TRERF1: variants seen among roughly 807,000 people sequenced by gnomAD.
The protein encoded by TRERF1 is transcriptional-regulating factor 1.
Under a neutral mutation model 122.9 loss-of-function variants are expected in TRERF1, and 27 were observed. The observed-to-expected ratio is 0.22, with a 90% CI of 0.16 to 0.30. TRERF1 has a LOEUF of 0.30. Ranked by LOEUF, TRERF1 falls within the 10% of genes least tolerant of loss-of-function variation. The probability of loss-of-function intolerance (pLI) is 1.00; values close to 1 mark genes in which losing one functional copy is unlikely to be tolerated. For synonymous variants in TRERF1, 636 were observed against 641.7 expected, an observed-to-expected ratio of 0.99 and a Z score of 0.13; for missense variants, 1,248 against 1,560.3, an observed-to-expected ratio of 0.80 and a Z score of 3.37.
intron 6 of TRERF1, 45 bp from the exon 7 acceptor site, chr6:42,264,899 A>G (rs1377859290): frequency 1.2e-6 from 2 of 1,603,264 alleles, no homozygotes; most frequent in African/African-American, 1.3e-5. Context: ...TACGTTGAGG[A>G]AGGGGAAACA....
intron 3 of TRERF1, among the ~76,000 whole-genome samples, chr6:42,316,052 G>A (rs1762440143): frequency 6.6e-6 from 1 of 152,162 alleles, no homozygotes; most frequent in Non-Finnish European, 1.5e-5. Context: ...TCCACTGGGG[G>A]TGGGGGCACC....
At chr6:42,420,832 C>A (rs1782653868) in intron 2 of TRERF1, among the ~76,000 whole-genome samples, 1 of 152,016 alleles carries the variant, frequency 6.6e-6, no homozygotes, top group Admixed American at 6.5e-5. Flanking sequence ...CCAATCCAAT[C>A]TCCCACTGAG....
chr6:42,352,062 T>C (rs1467532253), intron 3 of TRERF1, among the ~76,000 whole-genome samples: 1 of 152,182 alleles, frequency 6.6e-6, no homozygotes, highest in Non-Finnish European at 1.5e-5. Context: ...TGGAGTACAG[T>C]GGCATGATCA....
chr6:42,255,305 G>A (rs565734106), intron 12 of TRERF1, among the ~76,000 whole-genome samples: 11 of 152,314 alleles, frequency 7.2e-5, no homozygotes, highest in South Asian at 2.1e-4. Flanking sequence ...TAGAAAAATC[G>A]TGTTTCATTA....
At chr6:42,405,910 AG>A (rs1485275991) in intron 2 of TRERF1, among the ~76,000 whole-genome samples, 1 of 152,162 alleles carries the variant, frequency 6.6e-6, no homozygotes, top group Non-Finnish European at 1.5e-5. Context: ...TGTGGAGTAC[AG>A]GGAAAGTGTT....
At chr6:42,399,827 C>G (rs1032763601) in intron 2 of TRERF1, among the ~76,000 whole-genome samples, 1 of 152,136 alleles carries the variant, frequency 6.6e-6, no homozygotes, top group Non-Finnish European at 1.5e-5. Context: ...GCCAGCTTCT[C>G]TACCCTAGTT....
intron 2 of TRERF1, among the ~76,000 whole-genome samples, chr6:42,412,526 T>C (rs1307981725): frequency 1.3e-5 from 2 of 152,180 alleles, no homozygotes; most frequent in Non-Finnish European, 2.9e-5. Context: ...GGGGAATGTT[T>C]CTGAAGAGAA....
chr6:42,423,430 G>A (rs1016690480), intron 2 of TRERF1, among the ~76,000 whole-genome samples: 3 of 152,012 alleles, frequency 2.0e-5, no homozygotes, highest in Admixed American at 6.6e-5. Flanking sequence ...GAACCAAACC[G>A]AGAAGGCCCC....
intron 2 of TRERF1, among the ~76,000 whole-genome samples, chr6:42,409,864 C>T (rs533618720): frequency 2.0e-4 from 31 of 152,216 alleles, no homozygotes; most frequent in Non-Finnish European, 3.5e-4. Context: ...CACGGTTATA[C>T]ACAAACAGGC....
intron 15 of TRERF1, among the ~76,000 whole-genome samples, chr6:42,242,732 A>C (rs1432048745): frequency 6.6e-6 from 1 of 152,218 alleles, no homozygotes; most frequent in Non-Finnish European, 1.5e-5. Flanking sequence ...TAAGGATTAG[A>C]ATCATCTACA....
chr6:42,442,843 AC>A (rs1786771659), intron 2 of TRERF1, among the ~76,000 whole-genome samples: 1 of 152,164 alleles, frequency 6.6e-6, no homozygotes, highest in African/African-American at 2.4e-5. Context: ...AAATTTGGAA[AC>A]CATTCAAATT....
chr6:42,294,180 ATTTTTTT>A lies in TRERF1; in HGVS notation c.-259+6451_-259+6457del, dbSNP rs70987589. ...TAGGGGTAGCTCTAGCTATAATGTA[ATTTTTTT>A]TTTTTTTTTTTTGAGACGGAGTCTC... On this transcript the variant is annotated intron_variant, in intron 4 of 17. Transcript: ENST00000372922. Among the ~76,000 whole-genome samples the A allele has an allele frequency of 5.4e-5, 7 of 129,170 alleles. No homozygotes were observed. The Admixed American group carries it at 5.6e-4, about 10-fold the overall frequency. The allele number at this position is 129,170 out of a possible 152,430, so 84.7% of individuals were successfully genotyped here.
intron 2 of TRERF1, among the ~76,000 whole-genome samples, chr6:42,381,208 G>A (rs993922600): frequency 1.3e-5 from 2 of 152,038 alleles, no homozygotes; most frequent in Non-Finnish European, 2.9e-5. Context: ...GATGGCAGGG[G>A]CTGTGCTGCC....
chr6:42,258,320 C>G, intron 9 of TRERF1, 119 bp from the exon 10 acceptor site: 1 of 844,634 alleles, frequency 1.2e-6, no homozygotes, highest in South Asian at 1.6e-5. Flanking sequence ...CAGCTCCTGC[C>G]AGAGTTATCC....
At chr6:42,312,729 C>G (rs765078154) in intron 3 of TRERF1, among the ~76,000 whole-genome samples, 3 of 152,140 alleles carry the variant, frequency 2.0e-5, no homozygotes, top group Non-Finnish European at 4.4e-5. Flanking sequence ...AAGGGGCTTC[C>G]CTTTCATTAA....
At chr6:42,284,186 G>A (rs1017020965) in intron 4 of TRERF1, among the ~76,000 whole-genome samples, 2 of 151,666 alleles carry the variant, frequency 1.3e-5, no homozygotes, top group Admixed American at 1.3e-4. Context: ...CCTCTGACAC[G>A]CTTTTATTTT....
At chr6:42,398,755 G>A (rs1173619976) in intron 2 of TRERF1, among the ~76,000 whole-genome samples, 2 of 152,168 alleles carry the variant, frequency 1.3e-5, no homozygotes, top group African/African-American at 4.8e-5. Flanking sequence ...GAATGTATGG[G>A]GAAGGAATCC....
At chr6:42,238,835 TCACACACACACACA>T (rs58223539) in intron 15 of TRERF1, among the ~76,000 whole-genome samples, 3 of 143,030 alleles carry the variant, frequency 2.1e-5, no homozygotes, top group African/African-American at 5.2e-5. Context: ...ATCATGCATT[TCACACACACACACA>T]CACACACACA....
intron 4 of TRERF1, among the ~76,000 whole-genome samples, chr6:42,283,967 T>G (rs1420960536): frequency 6.6e-6 from 1 of 152,174 alleles, no homozygotes; most frequent in Non-Finnish European, 1.5e-5. Flanking sequence ...GCCTTATGAA[T>G]TTATTTTAAC....
Sources: gnomAD v4.1 joint callset for allele counts (sites outside exome capture counted in the v4.1 genomes callset) on GRCh38, gnomAD v4.1.1 for gene constraint, MANE v1.5 for transcripts, NCBI Gene and HGNC (gene_info 2026-07-23, HGNC 2026-07-21) for gene names.